The following LRFN2 variants were observed in gnomAD, a reference collection of about 807,000 sequenced individuals.
LRFN2 encodes the protein leucine-rich repeat and fibronectin type-III domain-containing protein 2.
LRFN2 carries 18 observed loss-of-function variants against 37.3 expected under a neutral mutation model. The ratio of observed to expected loss-of-function variants is 0.48; its 90% confidence interval spans 0.33 to 0.72. LRFN2 has a LOEUF of 0.72. LRFN2 is among the 30% of genes least tolerant of loss of function. The pLI is 0.02. For missense variants in LRFN2, 1,006 were observed against 1,060.7 expected, an observed-to-expected ratio of 0.95 and a Z score of 0.72; for synonymous variants, 556 against 466.6, an observed-to-expected ratio of 1.19 and a Z score of -2.47.
intron 1 of LRFN2, among the ~76,000 whole-genome samples, chr6:40,487,907 A>G (rs201140497): frequency 6.0e-5 from 9 of 149,748 alleles, no homozygotes; most frequent in Admixed American, 4.6e-4. Context: ...CCCCTTTCCC[A>G]ATCTCAGCCT....
intron 1 of LRFN2, among the ~76,000 whole-genome samples, chr6:40,455,096 G>T (rs1764205767): frequency 1.3e-5 from 2 of 152,162 alleles, no homozygotes; most frequent in Admixed American, 1.3e-4. Context: ...ATAATAAGAA[G>T]AAACTATTTG....
At chr6:40,479,479 C>A (rs1764779895) in intron 1 of LRFN2, among the ~76,000 whole-genome samples, 1 of 152,212 alleles carries the variant, frequency 6.6e-6, no homozygotes, top group African/African-American at 2.4e-5. Context: ...AAATGGGGAG[C>A]AGCTAAGCTA....
intron 1 of LRFN2, among the ~76,000 whole-genome samples, chr6:40,577,584 T>G (rs1407889997): frequency 1.7e-5 from 1 of 57,236 alleles, no homozygotes; most frequent in Non-Finnish European, 3.2e-5. Context: ...CCCTCTCCCC[T>G]CCCCCCACCC....
chr6:40,561,063 G>T (rs10485032), intron 1 of LRFN2, among the ~76,000 whole-genome samples: 72,092 of 151,912 alleles, frequency 0.47, 18,131 homozygotes, highest in African/African-American at 0.64. Context: ...TTATAAGCAG[G>T]GTGTGTTCAG....
At chr6:40,471,797 G>A (rs1268619521) in intron 1 of LRFN2, among the ~76,000 whole-genome samples, 1 of 152,116 alleles carries the variant, frequency 6.6e-6, no homozygotes, top group Non-Finnish European at 1.5e-5. Context: ...GCCTTCTCTG[G>A]GATGACTTGC....
chr6:40,547,740 C>G (rs185185757), intron 1 of LRFN2, among the ~76,000 whole-genome samples: 1 of 152,074 alleles, frequency 6.6e-6, no homozygotes, highest in South Asian at 2.1e-4. Flanking sequence ...GAGTCTGGCC[C>G]GCAAGCAAAG....
chr6:40,437,113 C>T (rs900340236), intron 1 of LRFN2, among the ~76,000 whole-genome samples: 5 of 152,048 alleles, frequency 3.3e-5, no homozygotes, highest in African/African-American at 1.2e-4. Context: ...ACAGCACTTC[C>T]CAACATTTTC....
At chr6:40,478,878 A>G (rs1386009732) in intron 1 of LRFN2, among the ~76,000 whole-genome samples, 3 of 152,254 alleles carry the variant, frequency 2.0e-5, no homozygotes, top group Non-Finnish European at 4.4e-5. Context: ...AGCTGATCAC[A>G]TGGTAGGTTT....
chr6:40,456,231 C>G (rs1445356325), intron 1 of LRFN2, among the ~76,000 whole-genome samples: 1 of 152,238 alleles, frequency 6.6e-6, no homozygotes, highest in East Asian at 1.9e-4. Flanking sequence ...GGCAGTAAAC[C>G]TGTGTTGCTT....
chr6:40,492,071 C>T (rs1264201487), intron 1 of LRFN2, among the ~76,000 whole-genome samples: 13 of 152,036 alleles, frequency 8.6e-5, no homozygotes, highest in Admixed American at 8.5e-4. Flanking sequence ...GGTAGGTAGG[C>T]AGCTTACCCT....
intron 1 of LRFN2, among the ~76,000 whole-genome samples, chr6:40,563,787 C>T (rs1333883787): frequency 1.3e-5 from 2 of 152,166 alleles, no homozygotes; most frequent in East Asian, 3.9e-4. Context: ...ATTTCCAGCC[C>T]TGTCATCAAG....
At position 40,500,173 on chromosome 6, in the gene LRFN2, C is replaced by T. The variant is rs114178134; in HGVS notation, c.-18-67042G>A. On this transcript the variant is annotated intron_variant, in intron 1 of 2. Coordinates refer to ENST00000338305, the MANE Select transcript of LRFN2 (RefSeq NM_020737.3). ...GCCTGGTGTTCTCACAGGTTCTCCC[C>T]GGAGACCGGGAGGCTCTGCTGTGCT... Among the ~76,000 whole-genome samples, 1,143 of 152,342 alleles carry T rather than the reference C, an allele frequency of 7.5e-3. 7 individuals carry two copies. The highest frequency in any genetic ancestry group is 9.5e-3 in the Non-Finnish European group (645 of 68,034).
chr6:40,580,377 G>T (rs563605285), intron 1 of LRFN2, among the ~76,000 whole-genome samples: 134 of 152,194 alleles, frequency 8.8e-4, no homozygotes, highest in Admixed American at 1.5e-3. Context: ...TAGAGGATCT[G>T]GTCACCCTTT....
intron 1 of LRFN2, among the ~76,000 whole-genome samples, chr6:40,525,140 G>C (rs1307375108): frequency 1.3e-5 from 2 of 152,168 alleles, no homozygotes; most frequent in Non-Finnish European, 2.9e-5. Context: ...TCCCCACCTG[G>C]CCCTGGCTCT....
chr6:40,428,530 C>T (rs1306320610), intron 2 of LRFN2, among the ~76,000 whole-genome samples: 1 of 152,160 alleles, frequency 6.6e-6, no homozygotes, highest in Admixed American at 6.5e-5. Context: ...TTAGAGTCTC[C>T]TATTTCTCTC....
intron 2 of LRFN2, chr6:40,407,757 C>G (rs1161035127): frequency 6.6e-6 from 1 of 152,434 alleles, no homozygotes; most frequent in East Asian, 1.9e-4. Flanking sequence ...AATGATGAAC[C>G]TGGTCGGACC....
rs149619903 is a variant in LRFN2, at chr6:40,545,482, T to C, written c.-19+41459A>G. Among the ~76,000 whole-genome samples, 579 of 152,308 alleles carry C rather than the reference T, an allele frequency of 3.8e-3. 7 individuals are homozygous for C. The highest frequency in any genetic ancestry group is 0.013 in the African/African-American group (541 of 41,568). On this transcript the variant is annotated intron_variant, in intron 1 of 2. Coordinates refer to ENST00000338305, the MANE Select transcript of LRFN2 (RefSeq NM_020737.3). ...TGACTGAGTGATTTGTATTCCCCTC[T>C]CTCTCATGTTTAAGCACTGGGCCAA... is the stretch of plus-strand genomic sequence containing the variant.
chr6:40,577,339 C>T (rs1302169293), intron 1 of LRFN2, among the ~76,000 whole-genome samples: 1 of 151,948 alleles, frequency 6.6e-6, no homozygotes, highest in African/African-American at 2.4e-5. Flanking sequence ...TGAGCTCAGG[C>T]AATCTGCCTG....
At chr6:40,465,662 A>G (rs1474305594) in intron 1 of LRFN2, among the ~76,000 whole-genome samples, 2 of 152,232 alleles carry the variant, frequency 1.3e-5, no homozygotes, top group Admixed American at 6.5e-5. Context: ...TTTGACTCAG[A>G]TCTGATACCT....
Sources: gnomAD v4.1 joint callset for allele counts (sites outside exome capture counted in the v4.1 genomes callset) on GRCh38, gnomAD v4.1.1 for gene constraint, MANE v1.5 for transcripts, NCBI Gene and HGNC (gene_info 2026-07-23, HGNC 2026-07-21) for gene names.